Variants in WDR72 observed in about 807,000 individuals in gnomAD.
WDR72 encodes WD repeat-containing protein 72.
WDR72 carries 120 observed loss-of-function variants against 124.2 expected under a neutral mutation model. The ratio of observed to expected loss-of-function variants is 0.97; its 90% CI spans 0.83 to 1.12. WDR72 has a LOEUF of 1.12. Among genes scored for constraint, WDR72 ranks in the 50% most tolerant of loss-of-function variants. WDR72 has a pLI of 0.00. For synonymous variants in WDR72, 452 were observed against 441.7 expected (o/e 1.02, Z -0.29); for missense variants, 1,387 against 1,278.8 (o/e 1.08, Z -1.29).
At chr15:53,606,892 G>T (rs1260351796) in intron 17 of WDR72, among the ~76,000 whole-genome samples, 5 of 152,072 alleles carry the variant, frequency 3.3e-5, no homozygotes, top group Non-Finnish European at 5.9e-5. Flanking sequence ...ATGCATATTT[G>T]CAGGCCATGA....
At chr15:53,604,027 A>G (rs2013164032) in intron 17 of WDR72, among the ~76,000 whole-genome samples, 1 of 152,214 alleles carries the variant, frequency 6.6e-6, no homozygotes, top group South Asian at 2.1e-4. Flanking sequence ...GGCCAGGGCA[A>G]TCCTAAGCAA....
chr15:53,610,756 A>G (rs2013505349), intron 16 of WDR72, among the ~76,000 whole-genome samples: 1 of 152,112 alleles, frequency 6.6e-6, no homozygotes, highest in South Asian at 2.1e-4. Context: ...AGAACACTAT[A>G]TAAAACATGG....
intron 9 of WDR72, among the ~76,000 whole-genome samples, chr15:53,707,433 T>C (rs1181921925): frequency 7.5e-6 from 1 of 133,194 alleles, no homozygotes; most frequent in Non-Finnish European, 1.6e-5. Flanking sequence ...ATGGTTCCAA[T>C]AAAGTCAGTT....
At position 53,575,854 on chromosome 15, in the gene WDR72, C is replaced by T. The variant is rs374740507; in HGVS notation, c.3148+21225G>A. ...ATTTAATTGCTAATCCAAGTCTATG[C>T]AATCACTTAGCTCATCACTATCTAC... On this transcript the variant is annotated intron_variant, in intron 18 of 19. Coordinates refer to ENST00000360509, the MANE Select transcript of WDR72 (RefSeq NM_182758.4). 7.9e-5 allele frequency among the ~76,000 whole-genome samples: 12 copies of T among 152,222 alleles called. No homozygotes were observed. In the East Asian group the frequency reaches 2.1e-3, roughly 27 times the overall value.
chr15:53,649,702 A>T (rs1328477839), intron 14 of WDR72, among the ~76,000 whole-genome samples: 2 of 152,200 alleles, frequency 1.3e-5, no homozygotes, highest in Non-Finnish European at 2.9e-5. Context: ...ATTAATTATC[A>T]AAGAAATGCA....
intron 18 of WDR72, among the ~76,000 whole-genome samples, chr15:53,558,429 C>T (rs536041689): frequency 6.6e-6 from 1 of 151,980 alleles, no homozygotes; most frequent in Non-Finnish European, 1.5e-5. Context: ...AAAATGTGCT[C>T]TAAAGTTAAT....
At chr15:53,716,495 A>G in intron 4 of WDR72, 112 bp downstream of exon 4, 1 of 822,882 alleles carries the variant, frequency 1.2e-6, no homozygotes, top group Admixed American at 1.9e-5. Flanking sequence ...TGACAAAATA[A>G]AAATTCAAGC....
At chr15:53,759,086 C>G (rs2018996823) in intron 1 of WDR72, among the ~76,000 whole-genome samples, 1 of 152,138 alleles carries the variant, frequency 6.6e-6, no homozygotes, top group Non-Finnish European at 1.5e-5. Flanking sequence ...CGCCAGCCCC[C>G]GTCCCCACAG....
At position 53,655,691 on chromosome 15, in the gene WDR72, A is replaced by G. The variant is rs2015396973; in HGVS notation, c.1962+9881T>C. ...GAAGAAAGTAATGAAGGTGAGCAGG[A>G]CTTTGCATTTTGTAAGTTTTTTTTT... On this transcript the variant is annotated intron_variant, in intron 14 of 19. Coordinates refer to ENST00000360509, the MANE Select transcript of WDR72 (RefSeq NM_182758.4). Among the ~76,000 whole-genome samples, 6 of 149,804 alleles carry G rather than the reference A, an allele frequency of 4.0e-5. No homozygotes were observed. The Admixed American group carries it at 4.1e-4, about 10-fold the overall frequency.
intron 14 of WDR72, among the ~76,000 whole-genome samples, chr15:53,631,034 T>C (rs1275822074): frequency 2.0e-5 from 3 of 152,230 alleles, no homozygotes; most frequent in Admixed American, 6.5e-5. Flanking sequence ...AATATCAATA[T>C]AGAAAATTGA....
At chr15:53,574,619 C>G (rs1894684126) in intron 18 of WDR72, among the ~76,000 whole-genome samples, 1 of 152,052 alleles carries the variant, frequency 6.6e-6, no homozygotes, top group Non-Finnish European at 1.5e-5. Flanking sequence ...TAATTTTATT[C>G]AAACTTGTCC....
At chr15:53,612,937 C>T (rs540684466) in intron 16 of WDR72, among the ~76,000 whole-genome samples, 23 of 150,958 alleles carry the variant, frequency 1.5e-4, no homozygotes, top group Admixed American at 1.1e-3. Context: ...GATGGAGTTG[C>T]TGGTGTAGGG....
chr15:53,710,708 T>C (rs1439517025), intron 9 of WDR72, 149 bp downstream of exon 9: 2 of 700,756 alleles, frequency 2.9e-6, no homozygotes, highest in East Asian at 2.7e-5. Flanking sequence ...TTGGTAGCCA[T>C]TGATAATTAA....
intron 1 of WDR72, among the ~76,000 whole-genome samples, chr15:53,757,254 T>C (rs904321515): frequency 6.6e-6 from 1 of 152,048 alleles, no homozygotes; most frequent in African/African-American, 2.4e-5. Context: ...CTACAAAGCT[T>C]AACAACTGGG....
At chr15:53,598,411 T>C (rs1483398158) in intron 17 of WDR72, among the ~76,000 whole-genome samples, 1 of 152,122 alleles carries the variant, frequency 6.6e-6, no homozygotes, top group African/African-American at 2.4e-5. Flanking sequence ...GCTAGGGATA[T>C]GAGACAACAC....
At chr15:53,524,453 T>C (rs1411977286) in intron 18 of WDR72, among the ~76,000 whole-genome samples, 1 of 152,110 alleles carries the variant, frequency 6.6e-6, no homozygotes, top group Non-Finnish European at 1.5e-5. Flanking sequence ...AGGCTGAGAC[T>C]GTGCTACTTC....
chr15:53,539,901 C>T (rs1028841631), intron 18 of WDR72, among the ~76,000 whole-genome samples: 2 of 151,820 alleles, frequency 1.3e-5, no homozygotes, highest in African/African-American at 2.4e-5. Flanking sequence ...TAAAAAGATA[C>T]ATCAAAAACA....
intron 14 of WDR72, among the ~76,000 whole-genome samples, chr15:53,634,973 C>A (rs1305504010): frequency 6.6e-6 from 1 of 152,208 alleles, no homozygotes; most frequent in Non-Finnish European, 1.5e-5. Flanking sequence ...CACACAGCAG[C>A]AATGAGCCAG....
At chr15:53,549,826 G>A (rs962045103) in intron 18 of WDR72, among the ~76,000 whole-genome samples, 2 of 152,114 alleles carry the variant, frequency 1.3e-5, no homozygotes, top group Non-Finnish European at 2.9e-5. Context: ...CCAGACTTTG[G>A]CCTTATTTTT....
Sources: gnomAD v4.1 joint callset for allele counts (sites outside exome capture counted in the v4.1 genomes callset) on GRCh38, gnomAD v4.1.1 for gene constraint, MANE v1.5 for transcripts, NCBI Gene and HGNC (gene_info 2026-07-23, HGNC 2026-07-21) for gene names.